FARS2: variants seen among roughly 807,000 people sequenced by gnomAD.
The protein encoded by FARS2 is phenylalanine--tRNA ligase, mitochondrial.
Under a neutral mutation model 46.4 loss-of-function variants are expected in FARS2, and 40 were observed. That is an observed-to-expected ratio of 0.86 (90% CI 0.67 to 1.12). The LOEUF (loss-of-function observed/expected upper bound fraction) is 1.12, where lower values mean the gene tolerates loss of function less well. Among genes scored for constraint, FARS2 ranks in the 50% most tolerant of loss-of-function variants. The pLI is 0.00. For missense variants in FARS2, 513 were observed against 567.9 expected (o/e 0.90, Z 0.98); for synonymous variants, 234 against 214.9 (o/e 1.09, Z -0.78).
chr6:5,593,676 C>A (rs140695261), intron 5 of FARS2, among the ~76,000 whole-genome samples: 3 of 152,092 alleles, frequency 2.0e-5, no homozygotes, highest in Non-Finnish European at 4.4e-5. Context: ...CACTTTGAAT[C>A]CTTGGGTTAT....
intron 4 of FARS2, among the ~76,000 whole-genome samples, chr6:5,529,372 A>G (rs1168333245): frequency 6.6e-6 from 1 of 152,158 alleles, no homozygotes; most frequent in African/African-American, 2.4e-5. Context: ...CAGTGGCACA[A>G]TCTCGGCGCA....
At chr6:5,266,720 A>G (rs905134189) in intron 1 of FARS2, among the ~76,000 whole-genome samples, 3 of 152,152 alleles carry the variant, frequency 2.0e-5, no homozygotes, top group African/African-American at 7.2e-5. Context: ...TTGAATTTTA[A>G]TTTAGTTGGA....
At chr6:5,757,187 G>C (rs1762251136) in intron 6 of FARS2, among the ~76,000 whole-genome samples, 1 of 151,378 alleles carries the variant, frequency 6.6e-6, no homozygotes, top group African/African-American at 2.4e-5. Flanking sequence ...TTCTTTTGAA[G>C]TAAGAAAATA....
chr6:5,575,671 G>T (rs1250601319), intron 5 of FARS2, among the ~76,000 whole-genome samples: 1 of 152,082 alleles, frequency 6.6e-6, no homozygotes, highest in Non-Finnish European at 1.5e-5. Context: ...TTTTATACAT[G>T]TATTTTGTTG....
upstream of FARS2, among the ~76,000 whole-genome samples, chr6:5,257,463 A>G (rs529163230): frequency 5.4e-4 from 83 of 152,324 alleles, no homozygotes; most frequent in African/African-American, 1.8e-3. Context: ...AAAGCCATTG[A>G]TAACAGGTGC....
At chr6:5,577,902 C>T (rs769576270) in intron 5 of FARS2, among the ~76,000 whole-genome samples, 4 of 152,000 alleles carry the variant, frequency 2.6e-5, no homozygotes, top group East Asian at 1.9e-4. Context: ...CCCGGGTTCA[C>T]GCCATTCTCC....
At chr6:5,314,503 T>G (rs1769309505) in intron 1 of FARS2, among the ~76,000 whole-genome samples, 1 of 152,192 alleles carries the variant, frequency 6.6e-6, no homozygotes, top group Non-Finnish European at 1.5e-5. Context: ...TTTCAGGAGG[T>G]AGCTGAGAAA....
intron 4 of FARS2, among the ~76,000 whole-genome samples, chr6:5,518,358 AAG>A (rs750351237): frequency 8.1e-4 from 124 of 152,326 alleles, no homozygotes; most frequent in Non-Finnish European, 1.5e-3. Context: ...GGGAAGAATA[AAG>A]AGAGAGTTCC....
intron 4 of FARS2, among the ~76,000 whole-genome samples, chr6:5,443,699 G>A (rs970749542): frequency 2.6e-5 from 4 of 152,202 alleles, no homozygotes; most frequent in African/African-American, 9.6e-5. Context: ...GACAGGTGGT[G>A]GTTGTTGCAT....
intron 5 of FARS2, among the ~76,000 whole-genome samples, chr6:5,554,277 G>A (rs901075682): frequency 3.9e-5 from 6 of 152,118 alleles, no homozygotes; most frequent in Admixed American, 3.3e-4. Context: ...ATTTGTGATG[G>A]GAAAGTGTTA....
intron 4 of FARS2, among the ~76,000 whole-genome samples, chr6:5,433,534 T>G (rs942116062): frequency 5.3e-5 from 8 of 152,112 alleles, no homozygotes; most frequent in Admixed American, 5.2e-4. Context: ...GAGTGAGTGA[T>G]TTTACAGGGA....
chr6:5,692,598 T>C lies in FARS2; in HGVS notation c.1218-78693T>C, dbSNP rs565679047. 9.9e-4 allele frequency among the ~76,000 whole-genome samples: 151 copies of C among 152,326 alleles called. 1 individual carries two copies. The South Asian group carries it at 0.014, about 14-fold the overall frequency. On this transcript the variant is annotated intron_variant, in intron 6 of 6. Coordinates refer to ENST00000274680, the MANE Select transcript of FARS2 (RefSeq NM_006567.5). ...AGGAAAATAGATAGGCAAAAGCTAA[T>C]GGGCTTAAAAAATATACTGCTTAAT...
At chr6:5,591,161 C>T (rs11243020) in intron 5 of FARS2, among the ~76,000 whole-genome samples, 11,475 of 152,220 alleles carry the variant, frequency 0.075, 545 homozygotes, top group Middle Eastern at 0.13. Flanking sequence ...TAAGAAAACC[C>T]TACCATTTCA....
intron 6 of FARS2, among the ~76,000 whole-genome samples, chr6:5,759,031 T>C (rs1762355349): frequency 6.6e-6 from 1 of 152,170 alleles, no homozygotes; most frequent in Non-Finnish European, 1.5e-5. Context: ...TGCTCTAAAC[T>C]GAGCTTGACG....
At chr6:5,688,507 C>G (rs1392029181) in intron 6 of FARS2, among the ~76,000 whole-genome samples, 8 of 152,136 alleles carry the variant, frequency 5.3e-5, no homozygotes, top group East Asian at 1.9e-4. Context: ...TTACGTTTAT[C>G]GATTTGCGTA....
intron 2 of FARS2, among the ~76,000 whole-genome samples, chr6:5,403,730 T>C (rs1167981843): frequency 1.3e-5 from 2 of 152,206 alleles, no homozygotes; most frequent in Non-Finnish European, 1.5e-5. Context: ...TGTTTGATTA[T>C]GGGACTTTGG....
chr6:5,642,874 A>G (rs891710525), intron 6 of FARS2, among the ~76,000 whole-genome samples: 3 of 152,186 alleles, frequency 2.0e-5, no homozygotes, highest in Admixed American at 6.5e-5. Flanking sequence ...TCCACAGACC[A>G]TTTGATGTCT....
chr6:5,743,707 T>G (rs1761479172), intron 6 of FARS2, among the ~76,000 whole-genome samples: 1 of 152,208 alleles, frequency 6.6e-6, no homozygotes, highest in African/African-American at 2.4e-5. Context: ...CACCACTGTC[T>G]GGAGGAGTTG....
intron 6 of FARS2, among the ~76,000 whole-genome samples, chr6:5,655,316 A>AT (rs1010162980): frequency 2.1e-3 from 313 of 151,432 alleles, no homozygotes; most frequent in African/African-American, 7.2e-3. Context: ...AGCATGATTG[A>AT]TTTTTTTTTC....
Sources: allele counts gnomAD v4.1 joint callset (sites outside exome capture counted in the v4.1 genomes callset), GRCh38; gene constraint gnomAD v4.1.1; transcripts MANE v1.5; gene names NCBI Gene and HGNC (gene_info 2026-07-23, HGNC 2026-07-21).